SLC6A3: variants seen among roughly 807,000 people sequenced by gnomAD.
SLC6A3 encodes the protein sodium-dependent dopamine transporter.
In SLC6A3, 19 loss-of-function variants were observed where a neutral mutation model predicts 70.4. The ratio of observed to expected loss-of-function variants is 0.27; its 90% CI spans 0.19 to 0.40. The LOEUF (loss-of-function observed/expected upper bound fraction) is 0.40. Ranked by LOEUF, SLC6A3 falls within the 10% of genes least tolerant of loss-of-function variation. SLC6A3 has a pLI of 1.00. For missense variants in SLC6A3, 613 were observed against 838.5 expected, an observed-to-expected ratio of 0.73 and a Z score of 3.32; for synonymous variants, 368 against 356.6, an observed-to-expected ratio of 1.03 and a Z score of -0.36.
rs1305199942 is a variant in SLC6A3 at position 1,431,565 on chromosome 5, C to T, written c.653+899G>A. On this transcript the variant is annotated intron_variant, in intron 4 of 14. Coordinates refer to ENST00000270349, the MANE Select transcript of SLC6A3 (RefSeq NM_001044.5). Reference sequence around the variant, plus strand: ...GTGGGTTGGGTCTGGCCGGGGTGGACGGTGAGGGGTGGGCCTGGCCGGGGT... The same window carrying T: ...GTGGGTTGGGTCTGGCCGGGGTGGATGGTGAGGGGTGGGCCTGGCCGGGGT... 2.8e-4 allele frequency among the ~76,000 whole-genome samples: 10 copies of T among 35,792 alleles called. No individual in the cohort carries two copies. The East Asian group carries it at 3.1e-3, about 11-fold the overall frequency. 23.5% of individuals were successfully genotyped at this position (35,792 alleles called of 152,430 possible).
chr5:1,414,487 A>AG (rs1276291817), intron 8 of SLC6A3, among the ~76,000 whole-genome samples: 1 of 36,416 alleles, frequency 2.7e-5, no homozygotes, highest in African/African-American at 9.0e-5. Context: ...GGGGGCCTGG[A>AG]GGGTCAGGGC....
In SLC6A3 at chr5:1,425,555, A is replaced by G. The variant is rs370536319; in HGVS notation, c.654-3541T>C. 2.0e-5 allele frequency among the ~76,000 whole-genome samples: 3 copies of G among 152,246 alleles called. No homozygotes were observed. The East Asian group carries it at 5.8e-4, about 29-fold the overall frequency. ...TAACCCAAAATGGATAAAAGAGCCA[A>G]ATATAAGGGCTAAAACCATAAAACT... On this transcript the variant is annotated intron_variant, in intron 4 of 14. Transcript: ENST00000270349.
At chr5:1,441,644 G>C (rs1266395731) in intron 2 of SLC6A3, among the ~76,000 whole-genome samples, 154 bp from the exon 3 acceptor site, 1 of 152,188 alleles carries the variant, frequency 6.6e-6, no homozygotes, top group African/African-American at 2.4e-5. Flanking sequence ...GGGTAGATGA[G>C]TCCCGAAGCC....
chr5:1,441,684 G>T (rs1330932466), intron 2 of SLC6A3, among the ~76,000 whole-genome samples, 194 bp from the exon 3 acceptor site: 2 of 152,130 alleles, frequency 1.3e-5, no homozygotes, highest in African/African-American at 4.8e-5. Flanking sequence ...TGCCTGACAC[G>T]TCCCTCCTGG....
chr5:1,430,129 G>A (rs464061), intron 4 of SLC6A3, among the ~76,000 whole-genome samples: 47,242 of 151,788 alleles, frequency 0.31, 8,291 homozygotes, highest in East Asian at 0.52. Context: ...CTTCTCTCCC[G>A]CCTGCCCCAC....
chr5:1,430,381 G>A (rs948487568), intron 4 of SLC6A3, among the ~76,000 whole-genome samples: 3 of 152,144 alleles, frequency 2.0e-5, no homozygotes, highest in Non-Finnish European at 2.9e-5. Flanking sequence ...ACCTGCCTCC[G>A]CCCCGGCTCC....
intron 8 of SLC6A3, among the ~76,000 whole-genome samples, chr5:1,412,383 C>T (rs969552556): frequency 2.6e-5 from 4 of 152,178 alleles, no homozygotes; most frequent in African/African-American, 9.7e-5. Context: ...ATGGTGGCTT[C>T]GGAGATAAGA....
chr5:1,441,703 G>C (rs1169347971), intron 2 of SLC6A3, among the ~76,000 whole-genome samples: 1 of 152,166 alleles, frequency 6.6e-6, no homozygotes, highest in African/African-American at 2.4e-5. Context: ...GGATCCCCTT[G>C]TCATTGCGCA....
intron 14 of SLC6A3, 59 bp downstream of exon 14, chr5:1,400,856 T>G: frequency 7.5e-7 from 1 of 1,329,388 alleles, no homozygotes; most frequent in Non-Finnish European, 1.1e-6. Context: ...CTAAGAACAC[T>G]GAGCTTGGGA....
chr5:1,432,637 G>A lies in SLC6A3; in HGVS notation c.480C>T (p.Ile160=), dbSNP rs1756731751. 15 of 1,614,204 alleles carry A rather than the reference G, an allele frequency of 9.3e-6. No individual in the cohort carries two copies. The highest frequency in any genetic ancestry group is 1.1e-5 in the Non-Finnish European group (13 of 1,180,032). ...AGAAGAGATAGTGCAGCGCCCAGGC[G>A]ATGATGACGTTGTAGAAGAAGCCGA... ...LYVGFFYNVI[I]AWALHYLFSS... Residue 160 remains isoleucine, a synonymous_variant, in exon 4 of 15, where the codon ATC becomes ATT. Coordinates refer to ENST00000270349, the MANE Select transcript of SLC6A3 (RefSeq NM_001044.5).
intron 9 of SLC6A3, among the ~76,000 whole-genome samples, chr5:1,410,839 T>TGCA (rs1263494573): frequency 1.3e-5 from 2 of 151,624 alleles, no homozygotes; most frequent in Non-Finnish European, 2.9e-5. Flanking sequence ...CATGTGTGTG[T>TGCA]TCGTGTGTGT....
In SLC6A3 at chr5:1,443,140, C is replaced by A. The variant is rs375145087; in HGVS notation, c.58G>T (p.Glu20Ter). Residue 20 changes from glutamate (E) to a stop codon, truncating the protein, a stop_gained, in exon 2 of 15, where the codon GAG (glutamate) becomes TAG (stop). Coordinates refer to ENST00000270349, the MANE Select transcript of SLC6A3 (RefSeq NM_001044.5). LOFTEE classifies it high-confidence loss of function. ...TCCTTCGGGCCCACGGCATTGGGCTCCTTAGCCGGGGCCACCACGGAAGAC... is the reference window on the plus strand; with the variant it reads ...TCCTTCGGGCCCACGGCATTGGGCTACTTAGCCGGGGCCACCACGGAAGAC... ...LMSSVVAPAK[E>*]PNAVGPKEVE... The A allele has an allele frequency of 7.3e-5, 118 of 1,614,140 alleles. No individual in the cohort carries two copies. Among genetic ancestry groups the A allele is most frequent in the Non-Finnish European group, 9.8e-5 (116 of 1,180,058 alleles).
chr5:1,426,252 G>A (rs1006225870), intron 4 of SLC6A3, among the ~76,000 whole-genome samples: 1 of 152,184 alleles, frequency 6.6e-6, no homozygotes, highest in Admixed American at 6.6e-5. Flanking sequence ...AAGATAAATA[G>A]ATCTGGCCAG....
At chr5:1,433,810 T>A (rs893109776) in intron 3 of SLC6A3, among the ~76,000 whole-genome samples, 17 of 150,944 alleles carry the variant, frequency 1.1e-4, no homozygotes, top group African/African-American at 4.9e-5. Context: ...TCCACAACCA[T>A]CCACACCCAA....
At chr5:1,439,794 CCT>C (rs1403455178) in intron 3 of SLC6A3, among the ~76,000 whole-genome samples, 2 of 152,250 alleles carry the variant, frequency 1.3e-5, no homozygotes, top group South Asian at 2.1e-4. Context: ...ACCACCAGCC[CCT>C]GAGAGGTGGC....
At chr5:1,424,413 G>A (rs1756532618) in intron 4 of SLC6A3, among the ~76,000 whole-genome samples, 2 of 152,180 alleles carry the variant, frequency 1.3e-5, no homozygotes. Flanking sequence ...TCATCACTGA[G>A]AGCTTCTGAG....
rs1034827316 is a variant in SLC6A3, at chr5:1,438,975, G to A, written c.418+2384C>T. ...ACGGTGCAAGCTCAGCATCGCTTACGACTGCAGGCTCAGAGGCAGCACTCC... is the reference window on the plus strand; with the variant it reads ...ACGGTGCAAGCTCAGCATCGCTTACAACTGCAGGCTCAGAGGCAGCACTCC... On this transcript the variant is annotated intron_variant, in intron 3 of 14. Transcript: ENST00000270349. This position sits in a 1 kb window ranked among gnomAD's most constrained non-coding sequence, Gnocchi z 6.5. Among the ~76,000 whole-genome samples the A allele has an allele frequency of 6.6e-6, 1 of 152,168 alleles. No individual in the cohort carries two copies. The highest frequency in any genetic ancestry group is 1.5e-5 in the Non-Finnish European group (1 of 68,036).
rs1394391373 is a variant in SLC6A3 at position 1,401,146 on chromosome 5, C to A, written c.1768-160G>T. 1.4e-6 allele frequency: 1 copy of A among 707,806 alleles called. No homozygotes were observed. The highest frequency in any genetic ancestry group is 1.5e-5 in the South Asian group (1 of 66,900). 43.8% of individuals were successfully genotyped at this position (707,806 alleles called of 1,614,324 possible). A position where few individuals can be genotyped will look rare whatever the true frequency, so the allele number is the denominator to read the frequency against. ...CGCTGGCATCCATATCACCAGCGCC[C>A]ACCACTGACTTACACTGCCAGTGCC... On this transcript the variant is annotated intron_variant, in intron 13 of 14. Coordinates refer to ENST00000270349, the MANE Select transcript of SLC6A3 (RefSeq NM_001044.5). This position sits in a 1 kb window ranked among gnomAD's most constrained non-coding sequence, Gnocchi z 6.1.
At chr5:1,403,283 C>T (rs1002052633) in intron 12 of SLC6A3, among the ~76,000 whole-genome samples, 194 bp from the exon 13 acceptor site, 1 of 151,932 alleles carries the variant, frequency 6.6e-6, no homozygotes. Flanking sequence ...ATGATCTAGC[C>T]TGTCCTGTCC....
Sources: allele counts gnomAD v4.1 joint callset (sites outside exome capture counted in the v4.1 genomes callset), GRCh38; gene constraint gnomAD v4.1.1; non-coding constraint Gnocchi (gnomAD v3.1); transcripts MANE v1.5; gene names NCBI Gene and HGNC (gene_info 2026-07-23, HGNC 2026-07-21).